FEM1B: variants seen among roughly 807,000 people sequenced by gnomAD.
FEM1B encodes the protein fem-1 homolog B.
A neutral mutation model predicts 38.6 loss-of-function variants in FEM1B; 10 were observed. The ratio of observed to expected loss-of-function variants is 0.26; its 90% CI spans 0.16 to 0.44. FEM1B has a LOEUF of 0.44. Among genes scored for constraint, FEM1B ranks in the 20% least tolerant of loss-of-function variants. FEM1B has a pLI of 1.00. For missense variants in FEM1B, 471 were observed against 786.7 expected, an observed-to-expected ratio of 0.60 and a Z score of 4.80; for synonymous variants, 288 against 288.0, an observed-to-expected ratio of 1.00 and a Z score of 0.00.
rs1415148097 is a variant in FEM1B, at chr15:68,289,051, A to T, written c.249-556A>T. ...CATCAGGTTTATGTTATCTGTTCAT[A>T]TTGTGTGTGGAGCAGTAATTATTTC... On this transcript the variant is annotated intron_variant, in intron 1 of 1. Transcript: ENST00000306917. The surrounding 1 kb of genome is among the most constrained non-coding windows in gnomAD (Gnocchi z 6.9). Among the ~76,000 whole-genome samples the T allele has an allele frequency of 6.6e-6, 1 of 152,104 alleles. No individual in the cohort carries two copies. The highest frequency in any genetic ancestry group is 1.5e-5 in the Non-Finnish European group (1 of 68,016).
rs1381581132 is a variant in FEM1B, at chr15:68,291,463, T to G, written c.*221T>G. The G allele has an allele frequency of 1.1e-5, 5 of 468,376 alleles. No homozygotes were observed. The highest frequency in any genetic ancestry group is 1.5e-5 in the Non-Finnish European group (4 of 267,128). The allele number at this position is 468,376 out of a possible 1,614,324, so 29.0% of individuals were successfully genotyped here. ...TTGTTTTGGTGTAACTATAAGGTAT[T>G]TGCATATTGGTTACCTATTTGTCTT... On this transcript the variant is annotated 3_prime_UTR_variant, in exon 2 of 2. Transcript: ENST00000306917. This position sits in a 1 kb window ranked among gnomAD's most constrained non-coding sequence, Gnocchi z 6.9.
At position 68,284,510 on chromosome 15, in the gene FEM1B, CTGTT is replaced by C. The variant is rs142985848; in HGVS notation, c.249-5095_249-5092del. On this transcript the variant is annotated intron_variant, in intron 1 of 1. Transcript: ENST00000306917. This position sits in a 1 kb window ranked among gnomAD's most constrained non-coding sequence, Gnocchi z 4.4. ...TGCCTATTTTTGTTTTTAATTATAT[CTGTT>C]TTTTTAGTGGAGGTATATCATATCT... is the stretch of plus-strand genomic sequence containing the variant. Among the ~76,000 whole-genome samples, 1,675 of 151,902 alleles carry C rather than the reference CTGTT, an allele frequency of 0.011. 40 individuals are homozygous for C. Among genetic ancestry groups the C allele is most frequent in the African/African-American group, 0.039 (1,604 of 41,422 alleles).
rs528801476 is a variant in FEM1B, at chr15:68,288,188, T to C, written c.249-1419T>C. Reference sequence around the variant, plus strand: ...CACAAGTGGAGGAGCCCTCATGACCTAATCACCTCTTCAAGACATCACCTC... The same window carrying C: ...CACAAGTGGAGGAGCCCTCATGACCCAATCACCTCTTCAAGACATCACCTC... On this transcript the variant is annotated intron_variant, in intron 1 of 1. Coordinates refer to ENST00000306917, the MANE Select transcript of FEM1B (RefSeq NM_015322.5). This position sits in a 1 kb window ranked among gnomAD's most constrained non-coding sequence, Gnocchi z 4.6. 6.6e-6 allele frequency among the ~76,000 whole-genome samples: 1 copy of C among 152,318 alleles called. No homozygotes were observed. Among genetic ancestry groups the C allele is most frequent in the East Asian group, 1.9e-4 (1 of 5,178 alleles).
Position 68,291,540 on chromosome 15 carries a change from C to T in FEM1B, c.*298C>T. 1 of 311,132 alleles carries T rather than the reference C, an allele frequency of 3.2e-6. No homozygotes were observed. Among genetic ancestry groups the T allele is most frequent in the Non-Finnish European group, 5.8e-6 (1 of 170,972 alleles). 19.3% of individuals were successfully genotyped at this position (311,132 alleles called of 1,614,324 possible). A position where few individuals can be genotyped will look rare whatever the true frequency, so the allele number is the denominator to read the frequency against. On this transcript the variant is annotated 3_prime_UTR_variant, in exon 2 of 2. Coordinates refer to ENST00000306917, the MANE Select transcript of FEM1B (RefSeq NM_015322.5). This position sits in a 1 kb window ranked among gnomAD's most constrained non-coding sequence, Gnocchi z 6.9. ...AATGTTTTGTTTATGTAACAAGGGA[C>T]ATTTATAATTTCAAGTTGATAATGT...
rs558183988 is a variant in FEM1B, at chr15:68,286,236, T to G, written c.249-3371T>G. Among the ~76,000 whole-genome samples, 29 of 151,914 alleles carry G rather than the reference T, an allele frequency of 1.9e-4. No individual in the cohort carries two copies. The East Asian group carries it at 4.1e-3, about 21-fold the overall frequency. On this transcript the variant is annotated intron_variant, in intron 1 of 1. Coordinates refer to ENST00000306917, the MANE Select transcript of FEM1B (RefSeq NM_015322.5). ...TCTGGAGTTTTTTTTTTTTTTGGTC[T>G]GTTGATAATATTATTCTGTCCCCGT... is the stretch of plus-strand genomic sequence containing the variant.
In FEM1B at chr15:68,278,283, G is replaced by C. The variant is rs1430616272; in HGVS notation, c.-135G>C. The C allele has an allele frequency of 5.9e-6, 7 of 1,194,940 alleles. No homozygotes were observed. The highest frequency in any genetic ancestry group is 6.9e-6 in the Non-Finnish European group (6 of 873,926). 74.0% of individuals were successfully genotyped at this position (1,194,940 alleles called of 1,614,324 possible). A position where few individuals can be genotyped will look rare whatever the true frequency, so the allele number is the denominator to read the frequency against. ...TTCCCTGGGCCGCACTGCTGCCTGG[G>C]CGCGGCGGCGGCGACGGCGCCCTGT... On this transcript the variant is annotated 5_prime_UTR_variant, in exon 1 of 2. Coordinates refer to ENST00000306917, the MANE Select transcript of FEM1B (RefSeq NM_015322.5). The surrounding 1 kb of genome is among the most constrained non-coding windows in gnomAD (Gnocchi z 5.7).
At chr15:68,282,929 T>C (rs1209978913) in intron 1 of FEM1B, among the ~76,000 whole-genome samples, 3 of 152,246 alleles carry the variant, frequency 2.0e-5, no homozygotes, top group Non-Finnish European at 4.4e-5. Context: ...CTAATGTTTC[T>C]GAAGGACCAG....
Position 68,288,227 on chromosome 15 carries a change from C to T in FEM1B, c.249-1380C>T, listed in dbSNP as rs565484278. Among the ~76,000 whole-genome samples, 52 of 152,306 alleles carry T rather than the reference C, an allele frequency of 3.4e-4. No homozygotes were observed. The East Asian group carries it at 7.9e-3, about 23-fold the overall frequency. On this transcript the variant is annotated intron_variant, in intron 1 of 1. Transcript: ENST00000306917. The surrounding 1 kb of genome is among the most constrained non-coding windows in gnomAD (Gnocchi z 4.6). ...AGACATCACCTCTTAATGCTATTCACGTTTGGCAACACCTGAATTTTGGTG... is the reference window on the plus strand; with the variant it reads ...AGACATCACCTCTTAATGCTATTCATGTTTGGCAACACCTGAATTTTGGTG...
chr15:68,290,695 C>A lies in FEM1B; in HGVS notation c.1337C>A (p.Thr446Asn), dbSNP rs778128166. The change falls in exon 2 of 2, where the codon ACC becomes AAC. Residue 446 changes from threonine to asparagine, a missense_variant. This residue lies in a region of FEM1B where 380 missense variants were observed against 599.6 expected (regional missense o/e 0.63). Coordinates refer to ENST00000306917, the MANE Select transcript of FEM1B (RefSeq NM_015322.5). This position sits in a 1 kb window ranked among gnomAD's most constrained non-coding sequence, Gnocchi z 9.7. ...AMDNYECNLY[T>N]FLYLVCISTK... ...GACAATTATGAATGTAATCTCTATA[C>A]CTTTCTGTATTTAGTGTGCATCTCT... is the stretch of plus-strand genomic sequence containing the variant. The A allele has an allele frequency of 6.2e-7, 1 of 1,613,988 alleles. No individual in the cohort carries two copies. Among genetic ancestry groups the A allele is most frequent in the Admixed American group, 1.7e-5 (1 of 60,016 alleles).
In FEM1B at chr15:68,290,784, C is replaced by G. The variant is rs1351188281; in HGVS notation, c.1426C>G (p.His476Asp). 1.2e-6 allele frequency: 2 copies of G among 1,613,998 alleles called. No homozygotes were observed. The highest frequency in any genetic ancestry group is 2.2e-5 in the East Asian group (1 of 44,894). Residue 476 changes from histidine (H) to aspartate (D), a missense_variant, in exon 2 of 2, where the codon CAC (histidine) becomes GAC (aspartate). Transcript: ENST00000306917. The surrounding 1 kb of genome is among the most constrained non-coding windows in gnomAD (Gnocchi z 9.7). ...TAACAAGCAGATCTACAACCTGATT[C>G]ACCTTGATCCCAGAACTCGTGAAGG... ...KINKQIYNLI[H>D]LDPRTREGFT...
chr15:68,295,525 C>G lies in FEM1B; in HGVS notation c.*4283C>G, dbSNP rs995286254. On this transcript the variant is annotated 3_prime_UTR_variant, in exon 2 of 2. Transcript: ENST00000306917. ...CCTAATCGATGGAAAAGACCCTGTC[C>G]TTTTCACCCCATCCTGCAATCCTCC... is the stretch of plus-strand genomic sequence containing the variant. The G allele has an allele frequency of 6.6e-6, 1 of 152,138 alleles. No homozygotes were observed. The highest frequency in any genetic ancestry group is 1.5e-5 in the Non-Finnish European group (1 of 68,024). 9.4% of individuals were successfully genotyped at this position (152,138 alleles called of 1,614,324 possible). A position where few individuals can be genotyped will look rare whatever the true frequency, so the allele number is the denominator to read the frequency against.
intron 1 of FEM1B, among the ~76,000 whole-genome samples, chr15:68,285,299 C>T (rs149321811): frequency 3.3e-4 from 50 of 150,478 alleles, no homozygotes; most frequent in Middle Eastern, 3.4e-3. Flanking sequence ...CAGTGTTTGA[C>T]TGTTATGAAT....
At chr15:68,287,193 A>G (rs1285710806) in intron 1 of FEM1B, among the ~76,000 whole-genome samples, 2 of 152,090 alleles carry the variant, frequency 1.3e-5, no homozygotes, top group East Asian at 3.8e-4. Flanking sequence ...ACCCGGCCTG[A>G]TTCATTCTTT....
At position 68,281,586 on chromosome 15, in the gene FEM1B, CA is replaced by C. The variant is rs1892727531; in HGVS notation, c.248+2922del. Among the ~76,000 whole-genome samples the C allele has an allele frequency of 6.6e-6, 1 of 152,148 alleles. No homozygotes were observed. Among genetic ancestry groups the C allele is most frequent in the Non-Finnish European group, 1.5e-5 (1 of 68,032 alleles). On this transcript the variant is annotated intron_variant, in intron 1 of 1. Coordinates refer to ENST00000306917, the MANE Select transcript of FEM1B (RefSeq NM_015322.5). This position sits in a 1 kb window ranked among gnomAD's most constrained non-coding sequence, Gnocchi z 5.1. ...GAGCCTCGAGGGGAAAGGGACCACC[CA>C]CCTAGATTAAGCCATTGATATTTGA...
intron 1 of FEM1B, among the ~76,000 whole-genome samples, chr15:68,286,499 T>C (rs751898145): frequency 6.0e-5 from 9 of 149,630 alleles, no homozygotes; most frequent in Non-Finnish European, 1.1e-4. Flanking sequence ...CACACACACA[T>C]ATACCACACA....
In FEM1B at chr15:68,290,563, T is replaced by C; in HGVS notation, c.1205T>C (p.Val402Ala). Reference sequence around the variant, plus strand: ...CAAATGATACATTTGAATGAAACTGTGAAGGCCCCAGACATAGAATGTGTT... The same window carrying C: ...CAAATGATACATTTGAATGAAACTGCGAAGGCCCCAGACATAGAATGTGTT... Reference protein sequence around the residue: ...FSQMIHLNETVKAPDIECVLR... With the variant: ...FSQMIHLNETAKAPDIECVLR... Residue 402 changes from valine to alanine, a missense_variant, in exon 2 of 2, where the codon GTG (valine) becomes GCG (alanine). Physicochemically the swap from Val to Ala is moderately conservative, Grantham distance 64. Coordinates refer to ENST00000306917, the MANE Select transcript of FEM1B (RefSeq NM_015322.5). The surrounding 1 kb of genome is among the most constrained non-coding windows in gnomAD (Gnocchi z 9.7). The C allele has an allele frequency of 6.2e-7, 1 of 1,614,206 alleles. No individual in the cohort carries two copies. Among genetic ancestry groups the C allele is most frequent in the Non-Finnish European group, 8.5e-7 (1 of 1,180,030 alleles).
Position 68,281,782 on chromosome 15 carries a change from T to TA in FEM1B, c.248+3118dup, listed in dbSNP as rs1892731872. ...ACAGGTGCCCACAACCATGCCTGGC[T>TA]ATTTTTTGTATTTTTAGTAGAGACG... On this transcript the variant is annotated intron_variant, in intron 1 of 1. Transcript: ENST00000306917. This position sits in a 1 kb window ranked among gnomAD's most constrained non-coding sequence, Gnocchi z 5.1. Among the ~76,000 whole-genome samples, 1 of 151,114 alleles carries TA rather than the reference T, an allele frequency of 6.6e-6. No individual in the cohort carries two copies. Among genetic ancestry groups the TA allele is most frequent in the Admixed American group, 6.6e-5 (1 of 15,266 alleles).
rs1437288144 is a variant in FEM1B, at chr15:68,284,179, C to G, written c.249-5428C>G. On this transcript the variant is annotated intron_variant, in intron 1 of 1. Coordinates refer to ENST00000306917, the MANE Select transcript of FEM1B (RefSeq NM_015322.5). This position sits in a 1 kb window ranked among gnomAD's most constrained non-coding sequence, Gnocchi z 4.4. The stretch of plus-strand genomic sequence containing the variant: ...GGATTACAGACGTGAGCCACTGTGC[C>G]CAGCCCTCATATAAACTTTTTAGTT... 1.3e-5 allele frequency among the ~76,000 whole-genome samples: 2 copies of G among 152,032 alleles called. No homozygotes were observed. The highest frequency in any genetic ancestry group is 2.9e-5 in the Non-Finnish European group (2 of 68,016).
chr15:68,291,261 T>TAA lies in FEM1B; in HGVS notation c.*19_*20insAA. On this transcript the variant is annotated 3_prime_UTR_variant, in exon 2 of 2. Coordinates refer to ENST00000306917, the MANE Select transcript of FEM1B (RefSeq NM_015322.5). The surrounding 1 kb of genome is among the most constrained non-coding windows in gnomAD (Gnocchi z 6.9). ...TCATTAAGTGACTGGATATGTAAAG[T>TAA]CGTTTAATGTGGTGCTAAAAAGTAA... is the stretch of plus-strand genomic sequence containing the variant. 1 of 1,537,070 alleles carries TAA rather than the reference T, an allele frequency of 6.5e-7. No individual in the cohort carries two copies.
Sources: allele counts gnomAD v4.1 joint callset (sites outside exome capture counted in the v4.1 genomes callset), GRCh38; gene constraint gnomAD v4.1.1; regional missense constraint gnomAD v4.1.1; non-coding constraint Gnocchi (gnomAD v3.1); transcripts MANE v1.5; gene names NCBI Gene and HGNC (gene_info 2026-07-23, HGNC 2026-07-21).